The following SIPA1L1 variants were observed in gnomAD, a reference collection of about 807,000 sequenced individuals.
SIPA1L1 encodes signal induced proliferation associated 1 like 1, also known as signal-induced proliferation-associated 1-like protein 1.
In SIPA1L1, 26 loss-of-function variants were observed where a neutral mutation model predicts 162.7. The observed-to-expected ratio is 0.16, with a 90% CI of 0.12 to 0.22. SIPA1L1 has a LOEUF of 0.22. Ranked by LOEUF, SIPA1L1 falls within the 10% of genes least tolerant of loss-of-function variation. The probability of loss-of-function intolerance (pLI) is 1.00; values close to 1 mark genes in which losing one functional copy is unlikely to be tolerated. For synonymous variants in SIPA1L1, 829 were observed against 837.4 expected (o/e 0.99, Z 0.17); for missense variants, 1,874 against 2,241.0 (o/e 0.84, Z 3.31).
chr14:71,637,392 A>G (rs765858253), intron 7 of SIPA1L1, among the ~76,000 whole-genome samples: 1 of 152,094 alleles, frequency 6.6e-6, no homozygotes, highest in Non-Finnish European at 1.5e-5. Flanking sequence ...TAATCGTTCT[A>G]TTTTATAACT....
chr14:71,393,179 C>T (rs951022002), intron 2 of SIPA1L1, among the ~76,000 whole-genome samples: 1 of 152,108 alleles, frequency 6.6e-6, no homozygotes, highest in African/African-American at 2.4e-5. Context: ...AGCAAGACCA[C>T]GTTGTATTTT....
At chr14:71,336,982 C>G (rs1223708449) in intron 2 of SIPA1L1, among the ~76,000 whole-genome samples, 1 of 152,128 alleles carries the variant, frequency 6.6e-6, no homozygotes, top group Non-Finnish European at 1.5e-5. Flanking sequence ...TAGGCTTAGG[C>G]CTCCTTTCTG....
At chr14:71,549,920 T>C (rs531473360) in intron 4 of SIPA1L1, among the ~76,000 whole-genome samples, 11 of 152,160 alleles carry the variant, frequency 7.2e-5, no homozygotes, top group Non-Finnish European at 1.3e-4. Flanking sequence ...AGGCCAATCA[T>C]TTGGCTGTAG....
chr14:71,658,181 CAAAA>C, intron 8 of SIPA1L1, 148 bp from the exon 9 acceptor site: 2 of 464,384 alleles, frequency 4.3e-6, no homozygotes, highest in East Asian at 3.6e-5. Context: ...GGATCAAATA[CAAAA>C]AAAAAAAGGA....
intron 7 of SIPA1L1, among the ~76,000 whole-genome samples, chr14:71,636,157 CAG>C (rs2041127057): frequency 6.6e-6 from 1 of 152,150 alleles, no homozygotes; most frequent in Non-Finnish European, 1.5e-5. Flanking sequence ...GAAAACTAGA[CAG>C]AAAATCAGCA....
intron 4 of SIPA1L1, among the ~76,000 whole-genome samples, chr14:71,564,043 C>T (rs189894257): frequency 3.3e-5 from 5 of 152,144 alleles, no homozygotes; most frequent in Non-Finnish European, 5.9e-5. Flanking sequence ...CACCTTCTGT[C>T]TCAAGGGATC....
chr14:71,567,108 A>G (rs1420343285), intron 4 of SIPA1L1, among the ~76,000 whole-genome samples: 1 of 152,214 alleles, frequency 6.6e-6, no homozygotes, highest in Non-Finnish European at 1.5e-5. Flanking sequence ...TATATTAGTC[A>G]TAATTTAAAA....
intron 2 of SIPA1L1, among the ~76,000 whole-genome samples, chr14:71,367,402 G>T (rs1361340781): frequency 3.3e-5 from 5 of 151,166 alleles, no homozygotes; most frequent in Non-Finnish European, 5.9e-5. Flanking sequence ...CGCCTCCCGG[G>T]TTTCTGCCAT....
chr14:71,709,171 T>C, intron 16 of SIPA1L1, 51 bp from the exon 17 acceptor site: 1 of 1,459,068 alleles, frequency 6.9e-7, no homozygotes, highest in Non-Finnish European at 9.4e-7. Flanking sequence ...TGTTATTCTC[T>C]TGTTCAGGAA....
intron 2 of SIPA1L1, among the ~76,000 whole-genome samples, chr14:71,326,240 G>A (rs1280523615): frequency 3.4e-5 from 5 of 146,728 alleles, no homozygotes; most frequent in African/African-American, 5.1e-5. Flanking sequence ...ATGGAGTCTC[G>A]CTGTGTCACC....
Position 71,671,782 on chromosome 14 carries a change from C to T in SIPA1L1, c.2829+90C>T, listed in dbSNP as rs542568112. 6 of 904,316 alleles carry T rather than the reference C, an allele frequency of 6.6e-6. No homozygotes were observed. In the East Asian group the frequency reaches 1.3e-4, roughly 19 times the overall value. 56.0% of individuals were successfully genotyped at this position (904,316 alleles called of 1,614,324 possible). ...GAGCCAAGTTACTGAACCTTGTGCTCTGTTATTAGCTCCTCTGAAAACTCC... is the reference window on the plus strand; with the variant it reads ...GAGCCAAGTTACTGAACCTTGTGCTTTGTTATTAGCTCCTCTGAAAACTCC... On this transcript the variant is annotated intron_variant, in intron 11 of 23. Transcript: ENST00000381232.
chr14:71,654,836 AT>A (rs542171081), intron 8 of SIPA1L1, among the ~76,000 whole-genome samples: 32 of 148,790 alleles, frequency 2.2e-4, no homozygotes, highest in Middle Eastern at 6.9e-3. Context: ...ATAAAAAAGC[AT>A]TTTTTTTTTC....
intron 19 of SIPA1L1, among the ~76,000 whole-genome samples, 163 bp downstream of exon 19, chr14:71,724,998 T>A (rs1049893488): frequency 3.3e-5 from 5 of 152,222 alleles, no homozygotes; most frequent in African/African-American, 1.2e-4. Context: ...GTCCACAGTG[T>A]TTGACAGTGC....
At chr14:71,321,041 G>C (rs1016530188) in intron 1 of SIPA1L1, 81 bp from the exon 2 acceptor site, 1 of 152,074 alleles carries the variant, frequency 6.6e-6, no homozygotes, top group African/African-American at 2.4e-5. Context: ...CGCCCGCCTC[G>C]GGCCGGCCTC....
At chr14:71,688,454 G>A (rs1457205098) in intron 13 of SIPA1L1, among the ~76,000 whole-genome samples, 1 of 152,194 alleles carries the variant, frequency 6.6e-6, no homozygotes, top group Non-Finnish European at 1.5e-5. Context: ...TGAGGATAGA[G>A]CAGATTCATG....
At chr14:71,564,355 TTC>T (rs1415788110) in intron 4 of SIPA1L1, among the ~76,000 whole-genome samples, 10 of 151,728 alleles carry the variant, frequency 6.6e-5, no homozygotes, top group African/African-American at 1.9e-4. Context: ...GACTTTTTTT[TTC>T]TTTTTCTTCT....
chr14:71,733,874 T>C, intron 21 of SIPA1L1, 62 bp downstream of exon 21: 4 of 1,534,758 alleles, frequency 2.6e-6, no homozygotes, highest in Non-Finnish European at 2.7e-6. Flanking sequence ...GCAGTCTCCA[T>C]CCACTCTACT....
intron 7 of SIPA1L1, among the ~76,000 whole-genome samples, chr14:71,640,535 T>G (rs959866049): frequency 6.6e-6 from 1 of 152,238 alleles, no homozygotes; most frequent in African/African-American, 2.4e-5. Flanking sequence ...TCAGATCAAA[T>G]CAGAGCTTGT....
At chr14:71,662,440 C>T (rs180747872) in intron 10 of SIPA1L1, among the ~76,000 whole-genome samples, 83 of 152,320 alleles carry the variant, frequency 5.4e-4, no homozygotes, top group Non-Finnish European at 9.7e-4. Flanking sequence ...ATGTATATCC[C>T]ATTTAATCTT....
Sources: allele counts gnomAD v4.1 joint callset (sites outside exome capture counted in the v4.1 genomes callset), GRCh38; gene constraint gnomAD v4.1.1; transcripts MANE v1.5; gene names NCBI Gene and HGNC (gene_info 2026-07-23, HGNC 2026-07-21).